Variants in CLEC20A observed in about 807,000 individuals in gnomAD.
The protein encoded by CLEC20A is putative C-type lectin domain family 20 member A.
At chr1:178,494,525 T>C (rs1286870434) in exon 2 of CLEC20A, 2 of 399,482 alleles carry the variant, frequency 5.0e-6, no homozygotes, top group East Asian at 7.1e-5. Flanking sequence ...CAGCCAAGTG[T>C]ACAGCGTGGC....
chr1:178,499,006 G>GA (rs769490112), upstream of CLEC20A, among the ~76,000 whole-genome samples: 1 of 152,200 alleles, frequency 6.6e-6, no homozygotes, highest in Non-Finnish European at 1.5e-5. Context: ...GGACAGAAGA[G>GA]AACCTGACAA....
chr1:178,481,099 G>A, intron 7 of CLEC20A: 1 of 152,072 alleles, frequency 6.6e-6, no homozygotes, highest in Non-Finnish European at 1.5e-5. Context: ...CTCCACTCCT[G>A]GCAAGCATGC....
upstream of CLEC20A, among the ~76,000 whole-genome samples, chr1:178,498,978 C>T (rs572031160): frequency 1.9e-3 from 295 of 152,330 alleles, 1 homozygote; most frequent in Admixed American, 3.7e-3. Context: ...GTCAGGGCCT[C>T]CCAGGACCAC....
intron 3 of CLEC20A, among the ~76,000 whole-genome samples, chr1:178,490,974 G>A (rs1474959093): frequency 1.3e-5 from 2 of 152,190 alleles, no homozygotes; most frequent in Admixed American, 6.5e-5. Flanking sequence ...TGAACTGTGC[G>A]ATGTTCCTAG....
chr1:178,488,503 C>T, exon 5 of CLEC20A: 1 of 398,824 alleles, frequency 2.5e-6, no homozygotes, highest in Non-Finnish European at 4.4e-6. Flanking sequence ...CAAAGCACCT[C>T]TGCCTGGCCT....
intron 7 of CLEC20A, chr1:178,481,436 A>G (rs948160995): frequency 2.6e-5 from 4 of 152,188 alleles, no homozygotes; most frequent in Non-Finnish European, 5.9e-5. Flanking sequence ...TTGTGGCTAA[A>G]TGGTGTATAG....
intron 1 of CLEC20A, 21 bp downstream of exon 1, chr1:178,496,879 C>A (rs1649406966): frequency 2.5e-6 from 1 of 398,646 alleles, no homozygotes. Context: ...AGGCACCCTC[C>A]TCCAGGTTGG....
intron 1 of CLEC20A, 71 bp downstream of exon 1, chr1:178,496,828 GC>G (rs750822714): frequency 1.4e-4 from 56 of 398,552 alleles, no homozygotes; most frequent in Non-Finnish European, 2.2e-4. Flanking sequence ...TCAGGGGTGC[GC>G]CCCCTTCCCT....
At chr1:178,486,776 A>ACGC in intron 5 of CLEC20A, 1 of 396,524 alleles carries the variant, frequency 2.5e-6, no homozygotes, top group Non-Finnish European at 4.4e-6. Context: ...GAGGGCTGGG[A>ACGC]CGCCGAGGGC....
chr1:178,486,218 A>T (rs748286631), intron 5 of CLEC20A, among the ~76,000 whole-genome samples: 2 of 152,224 alleles, frequency 1.3e-5, no homozygotes, highest in Non-Finnish European at 2.9e-5. Context: ...CTGGCCAGAC[A>T]GGACCCCTGT....
chr1:178,488,878 A>G (rs1649213336), intron 4 of CLEC20A, among the ~76,000 whole-genome samples: 1 of 152,206 alleles, frequency 6.6e-6, no homozygotes, highest in South Asian at 2.1e-4. Context: ...ACAGCCAAGG[A>G]CAAGCAAATC....
chr1:178,482,056 G>A (rs145066019), intron 7 of CLEC20A: 134 of 309,694 alleles, frequency 4.3e-4, no homozygotes, highest in Admixed American at 7.6e-4. Flanking sequence ...TGACCGTGCT[G>A]TCTTGACCAA....
chr1:178,495,256 A>C (rs1170818024), intron 1 of CLEC20A, among the ~76,000 whole-genome samples: 1 of 152,236 alleles, frequency 6.6e-6, no homozygotes, highest in African/African-American at 2.4e-5. Context: ...TCTGTTTTAC[A>C]AATGAAGGAA....
At chr1:178,481,255 A>G (rs1018610892) in intron 7 of CLEC20A, 1 of 152,252 alleles carries the variant, frequency 6.6e-6, no homozygotes, top group African/African-American at 2.4e-5. Context: ...TAAAATTTAT[A>G]GTAAACACAT....
chr1:178,479,583 G>T, exon 8 of CLEC20A: 1 of 398,362 alleles, frequency 2.5e-6, no homozygotes, highest in Non-Finnish European at 4.4e-6. Flanking sequence ...TAAATTGTTC[G>T]TGACCTAATG....
intron 2 of CLEC20A, among the ~76,000 whole-genome samples, chr1:178,493,159 C>T (rs1261007319): frequency 6.6e-6 from 1 of 152,208 alleles, no homozygotes; most frequent in African/African-American, 2.4e-5. Flanking sequence ...GGTCAGGACC[C>T]ATCTTGGTGG....
intron 3 of CLEC20A, among the ~76,000 whole-genome samples, chr1:178,491,956 G>A (rs991380703): frequency 1.3e-5 from 2 of 152,016 alleles, no homozygotes; most frequent in African/African-American, 4.8e-5. Flanking sequence ...TGGAGACCTT[G>A]AGCCAGTCAC....
At chr1:178,483,926 C>A (rs1476858632) in intron 5 of CLEC20A, 2 of 151,958 alleles carry the variant, frequency 1.3e-5, no homozygotes, top group Non-Finnish European at 2.9e-5. Flanking sequence ...CAAATTTGTC[C>A]CCTCCCCAAC....
At chr1:178,489,387 A>G (rs1393192685) in intron 4 of CLEC20A, among the ~76,000 whole-genome samples, 1 of 152,098 alleles carries the variant, frequency 6.6e-6, no homozygotes, top group Non-Finnish European at 1.5e-5. Context: ...TAATTTAACT[A>G]AATAAAAAAT....
Sources: gnomAD v4.1 joint callset for allele counts (sites outside exome capture counted in the v4.1 genomes callset) on GRCh38, gnomAD v4.1.1 for gene constraint, MANE v1.5 for transcripts, NCBI Gene and HGNC (gene_info 2026-07-23, HGNC 2026-07-21) for gene names.